Variants in KCNQ3 observed in about 807,000 individuals in gnomAD.
KCNQ3 encodes potassium voltage-gated channel subfamily Q member 3, also known as potassium voltage-gated channel subfamily KQT member 3.
Under a neutral mutation model 92.5 loss-of-function variants are expected in KCNQ3, and 30 were observed. That is an observed-to-expected ratio of 0.32 (90% CI 0.24 to 0.44). KCNQ3 has a LOEUF of 0.44. KCNQ3 is among the 20% of genes least tolerant of loss of function. The pLI, the probability that KCNQ3 is intolerant of heterozygous loss-of-function variation, is 1.00. For missense variants in KCNQ3, 913 were observed against 1,140.3 expected, an observed-to-expected ratio of 0.80 and a Z score of 2.87; for synonymous variants, 450 against 468.8, an observed-to-expected ratio of 0.96 and a Z score of 0.52.
chr8:132,436,918 G>T (rs1821408378), intron 1 of KCNQ3, among the ~76,000 whole-genome samples: 1 of 152,126 alleles, frequency 6.6e-6, no homozygotes, highest in African/African-American at 2.4e-5. Flanking sequence ...TCTTTGGCCT[G>T]CTGTCATTTT....
chr8:132,273,157 C>T (rs1373310004), intron 1 of KCNQ3, among the ~76,000 whole-genome samples: 1 of 152,164 alleles, frequency 6.6e-6, no homozygotes, highest in Non-Finnish European at 1.5e-5. Context: ...TTCTGGAGTG[C>T]CCTAGCAGAG....
chr8:132,180,408 T>C lies in KCNQ3; in HGVS notation c.605-79A>G, dbSNP rs143996690. ...AAAGCAATGGCGTCATCATAGGTGC[T>C]GTTTGCTGGCAGATCAGCATGTGCC... On this transcript the variant is annotated intron_variant, in intron 3 of 14. Transcript: ENST00000388996. 41 of 1,518,962 alleles carry C rather than the reference T, an allele frequency of 2.7e-5. No homozygotes were observed. The African/African-American group carries it at 4.8e-4, about 18-fold the overall frequency. 94.1% of individuals were successfully genotyped at this position (1,518,962 alleles called of 1,614,324 possible).
At chr8:132,198,557 C>T (rs1043551163) in intron 1 of KCNQ3, among the ~76,000 whole-genome samples, 4 of 152,190 alleles carry the variant, frequency 2.6e-5, no homozygotes, top group African/African-American at 7.2e-5. Flanking sequence ...TGCCTGTAAT[C>T]CCAACACTTT....
At chr8:132,413,031 C>T (rs1445034589) in intron 1 of KCNQ3, among the ~76,000 whole-genome samples, 1 of 152,202 alleles carries the variant, frequency 6.6e-6, no homozygotes, top group African/African-American at 2.4e-5. Context: ...GTATTTCTTG[C>T]ATAAGTCAAA....
At chr8:132,268,934 G>C (rs1816070729) in intron 1 of KCNQ3, among the ~76,000 whole-genome samples, 1 of 152,202 alleles carries the variant, frequency 6.6e-6, no homozygotes, top group Admixed American at 6.5e-5. Flanking sequence ...TAAGTGTGTA[G>C]TGGCATTTTA....
chr8:132,171,325 G>A (rs1029961227), intron 7 of KCNQ3, among the ~76,000 whole-genome samples: 2 of 152,138 alleles, frequency 1.3e-5, no homozygotes, highest in African/African-American at 4.8e-5. Context: ...CAGACCCACA[G>A]AGACACTCAC....
At position 132,126,330 on chromosome 8, in the gene KCNQ3, T is replaced by A. The variant is rs1366366481; in HGVS notation, c.*2932A>T. The stretch of plus-strand genomic sequence containing the variant: ...AAAGGATCTTTGTGAAAGCACACAC[T>A]GTTTCTTCCCATAACTCACATTCAA... On this transcript the variant is annotated 3_prime_UTR_variant, in exon 15 of 15. Coordinates refer to ENST00000388996, the MANE Select transcript of KCNQ3 (RefSeq NM_004519.4). 2 of 152,154 alleles carry A rather than the reference T, an allele frequency of 1.3e-5. No homozygotes were observed. Among genetic ancestry groups the A allele is most frequent in the Non-Finnish European group, 2.9e-5 (2 of 68,036 alleles). 9.4% of individuals were successfully genotyped at this position (152,154 alleles called of 1,614,324 possible). A position where few individuals can be genotyped will look rare whatever the true frequency, so the allele number is the denominator to read the frequency against.
intron 1 of KCNQ3, among the ~76,000 whole-genome samples, chr8:132,285,281 C>G (rs144489118): frequency 1.0e-3 from 154 of 152,254 alleles, no homozygotes; most frequent in Non-Finnish European, 1.6e-3. Flanking sequence ...TACAGAAAGT[C>G]TGGATCTTTT....
chr8:132,209,776 A>G (rs1813794482), intron 1 of KCNQ3, among the ~76,000 whole-genome samples: 2 of 152,178 alleles, frequency 1.3e-5, no homozygotes, highest in African/African-American at 2.4e-5. Context: ...TGTTTAAGGT[A>G]GGCTAGGCCA....
chr8:132,128,142 T>G lies in KCNQ3; in HGVS notation c.*1120A>C, dbSNP rs1430569862. 6.6e-6 allele frequency: 1 copy of G among 152,184 alleles called. No homozygotes were observed. Among genetic ancestry groups the G allele is most frequent in the African/African-American group, 2.4e-5 (1 of 41,452 alleles). 9.4% of individuals were successfully genotyped at this position (152,184 alleles called of 1,614,324 possible). ...ATATATCTTGACACAATCTCTAGGA[T>G]GCATTATATAAATGGAAGAATGGTG... On this transcript the variant is annotated 3_prime_UTR_variant, in exon 15 of 15. Coordinates refer to ENST00000388996, the MANE Select transcript of KCNQ3 (RefSeq NM_004519.4).
At chr8:132,224,287 C>T (rs888550224) in intron 1 of KCNQ3, among the ~76,000 whole-genome samples, 1 of 151,874 alleles carries the variant, frequency 6.6e-6, no homozygotes, top group African/African-American at 2.4e-5. Flanking sequence ...TTTATACTTG[C>T]ATCCTTCCAG....
chr8:132,398,579 C>T (rs1820254439), intron 1 of KCNQ3, among the ~76,000 whole-genome samples: 2 of 152,160 alleles, frequency 1.3e-5, no homozygotes, highest in South Asian at 4.1e-4. Context: ...TTGCATAAGC[C>T]TTTGCCCCTA....
At chr8:132,132,093 A>G (rs889741402) in intron 14 of KCNQ3, 87 bp downstream of exon 14, 1 of 994,698 alleles carries the variant, frequency 1.0e-6, no homozygotes, top group Non-Finnish European at 1.6e-6. Context: ...GTCTTAAAAA[A>G]AAAAAAGAAA....
chr8:132,330,951 T>C (rs114665088), intron 1 of KCNQ3, among the ~76,000 whole-genome samples: 217 of 152,292 alleles, frequency 1.4e-3, no homozygotes, highest in African/African-American at 5.0e-3. Flanking sequence ...CAGCACATCA[T>C]AGTGATAAAG....
chr8:132,372,246 G>C (rs1204525215), intron 1 of KCNQ3, among the ~76,000 whole-genome samples: 1 of 152,088 alleles, frequency 6.6e-6, no homozygotes, highest in Non-Finnish European at 1.5e-5. Context: ...TACCCCACTG[G>C]TCAGCTCCAT....
chr8:132,292,885 G>A (rs778710084), intron 1 of KCNQ3, among the ~76,000 whole-genome samples: 4 of 152,174 alleles, frequency 2.6e-5, no homozygotes, highest in Non-Finnish European at 5.9e-5. Flanking sequence ...CCCATACCTA[G>A]AGGAAGGAAT....
At chr8:132,424,506 C>A (rs917189451) in intron 1 of KCNQ3, among the ~76,000 whole-genome samples, 4 of 152,210 alleles carry the variant, frequency 2.6e-5, no homozygotes, top group African/African-American at 4.8e-5. Flanking sequence ...CAGACCAGGG[C>A]AAGAGCCCAG....
intron 1 of KCNQ3, among the ~76,000 whole-genome samples, chr8:132,372,408 C>T (rs1467898614): frequency 2.6e-5 from 4 of 152,098 alleles, no homozygotes; most frequent in Non-Finnish European, 4.4e-5. Context: ...GTAAAATGGA[C>T]ACCTTATTAA....
intron 1 of KCNQ3, among the ~76,000 whole-genome samples, chr8:132,296,091 G>A (rs1817013039): frequency 5.3e-5 from 8 of 152,210 alleles, no homozygotes; most frequent in Admixed American, 3.9e-4. Context: ...CTAGTCATCT[G>A]AGGAAGTGAA....
Sources: gnomAD v4.1 joint callset for allele counts (sites outside exome capture counted in the v4.1 genomes callset) on GRCh38, gnomAD v4.1.1 for gene constraint, MANE v1.5 for transcripts, NCBI Gene and HGNC (gene_info 2026-07-23, HGNC 2026-07-21) for gene names.